Variants in LARP4B observed in about 807,000 individuals in gnomAD.
LARP4B encodes La ribonucleoprotein 4B.
Under a neutral mutation model 89.8 loss-of-function variants are expected in LARP4B, and 12 were observed. The ratio of observed to expected loss-of-function variants is 0.13; its 90% confidence interval spans 0.09 to 0.22. The LOEUF (loss-of-function observed/expected upper bound fraction) is 0.22, where lower values mean the gene tolerates loss of function less well. LARP4B is among the 10% of genes least tolerant of loss of function. The pLI, the probability that LARP4B is intolerant of heterozygous loss-of-function variation, is 1.00. For synonymous variants in LARP4B, 367 were observed against 363.3 expected, an observed-to-expected ratio of 1.01 and a Z score of -0.12; for missense variants, 757 against 947.7, an observed-to-expected ratio of 0.80 and a Z score of 2.64.
the LARP4B span, among the ~76,000 whole-genome samples, chr10:950,880 GT>G: frequency 5.7e-3 from 814 of 141,828 alleles, 7 homozygotes; most frequent in African/African-American, 0.019. Context: ...TTGTAGGAGG[GT>G]TTTTTTTTTT....
At chr10:910,846 T>G (rs1836646908) in intron 1 of LARP4B, among the ~76,000 whole-genome samples, 1 of 152,202 alleles carries the variant, frequency 6.6e-6, no homozygotes, top group Non-Finnish European at 1.5e-5. Context: ...AGTTTCCTAC[T>G]GAAAAGCACA....
At chr10:899,009 C>T (rs546930743) in intron 1 of LARP4B, among the ~76,000 whole-genome samples, 1 of 152,264 alleles carries the variant, frequency 6.6e-6, no homozygotes, top group South Asian at 2.1e-4. Context: ...TTCCTTAGCT[C>T]GTCTTCATTC....
At chr10:813,237 A>AC in intron 17 of LARP4B, 24 bp from the exon 18 acceptor site, 1 of 1,581,938 alleles carries the variant, frequency 6.3e-7, no homozygotes, top group South Asian at 1.2e-5. Context: ...ATCCTGGGTT[A>AC]CCTGTGTGAA....
intron 13 of LARP4B, among the ~76,000 whole-genome samples, chr10:821,654 G>A (rs1196851141): frequency 1.3e-5 from 2 of 152,210 alleles, no homozygotes; most frequent in Non-Finnish European, 1.5e-5. Context: ...ACATAACCTG[G>A]AAAGGAGTTA....
chr10:970,019 A>T, the LARP4B span, among the ~76,000 whole-genome samples: 1 of 152,196 alleles, frequency 6.6e-6, no homozygotes, highest in African/African-American at 2.4e-5. Flanking sequence ...AGGCTCTGCC[A>T]CAACTCCGGT....
the LARP4B span, among the ~76,000 whole-genome samples, chr10:949,187 C>CGTGA: frequency 6.6e-6 from 1 of 150,898 alleles, no homozygotes; most frequent in African/African-American, 2.4e-5. Context: ...ACCAGCCCCA[C>CGTGA]GTGAGTGAGT....
intron 8 of LARP4B, 52 bp from the exon 9 acceptor site, chr10:831,029 T>G (rs756720839): frequency 1.3e-6 from 1 of 760,720 alleles, no homozygotes; most frequent in Non-Finnish European, 2.2e-6. Flanking sequence ...TCAGTTTTTG[T>G]CCTCACCAAA....
At chr10:837,628 C>G (rs375232189) in intron 7 of LARP4B, among the ~76,000 whole-genome samples, 1 of 152,182 alleles carries the variant, frequency 6.6e-6, no homozygotes, top group Admixed American at 6.5e-5. Flanking sequence ...ATAAAACACA[C>G]GTTCCAGAGA....
chr10:976,876 T>C, the LARP4B span, among the ~76,000 whole-genome samples: 106,742 of 149,740 alleles, frequency 0.71, 38,045 homozygotes, highest in East Asian at 0.87. Context: ...GTAGGCCTGT[T>C]GTGCAACGTG....
intron 5 of LARP4B, among the ~76,000 whole-genome samples, chr10:849,110 A>G (rs755407738): frequency 6.6e-6 from 1 of 152,244 alleles, no homozygotes; most frequent in Admixed American, 6.6e-5. Flanking sequence ...AGTGGAGCAA[A>G]ACGCAAAGAA....
chr10:828,099 C>T (rs933360661), intron 11 of LARP4B, among the ~76,000 whole-genome samples: 1 of 152,140 alleles, frequency 6.6e-6, no homozygotes, highest in African/African-American at 2.4e-5. Flanking sequence ...AAACCTCAGA[C>T]ACCTTCCCAC....
the LARP4B span, among the ~76,000 whole-genome samples, chr10:950,074 C>T: frequency 6.6e-6 from 1 of 152,128 alleles, no homozygotes; most frequent in South Asian, 2.1e-4. Context: ...CTGTGCCTGG[C>T]CTTAGCTTTT....
At chr10:915,608 T>C (rs1045896878) in intron 1 of LARP4B, among the ~76,000 whole-genome samples, 4 of 152,028 alleles carry the variant, frequency 2.6e-5, no homozygotes, top group African/African-American at 9.7e-5. Context: ...ATCGAGACCA[T>C]CCTGGCTAAC....
At chr10:961,319 T>A in the LARP4B span, among the ~76,000 whole-genome samples, 1 of 152,372 alleles carries the variant, frequency 6.6e-6, no homozygotes, top group Admixed American at 6.5e-5. Flanking sequence ...CTCACGGTTC[T>A]GCGGGCTGTA....
upstream of LARP4B, chr10:932,972 G>C (rs1207593220): frequency 6.6e-6 from 1 of 152,238 alleles, no homozygotes; most frequent in Non-Finnish European, 1.5e-5. Context: ...TCGGGCCCAC[G>C]TTGCAACGAG....
chr10:821,945 C>T (rs182529610), intron 13 of LARP4B, among the ~76,000 whole-genome samples: 16 of 152,202 alleles, frequency 1.1e-4, no homozygotes, highest in Middle Eastern at 3.4e-3. Context: ...CCTGACAACC[C>T]AACCTCCTGT....
chr10:911,293 T>C (rs1420370092), intron 1 of LARP4B, among the ~76,000 whole-genome samples: 1 of 152,236 alleles, frequency 6.6e-6, no homozygotes, highest in African/African-American at 2.4e-5. Context: ...AAACATTCTT[T>C]TTCAGAGTTC....
At chr10:823,236 G>A (rs988384775) in intron 13 of LARP4B, among the ~76,000 whole-genome samples, 3 of 151,978 alleles carry the variant, frequency 2.0e-5, no homozygotes, top group Admixed American at 6.6e-5. Flanking sequence ...CCTGCCCACC[G>A]TGCCCATGCT....
chr10:978,246 A>G, the LARP4B span, among the ~76,000 whole-genome samples: 2 of 152,142 alleles, frequency 1.3e-5, no homozygotes, highest in Non-Finnish European at 2.9e-5. Flanking sequence ...TAAATTTAAG[A>G]TGGATGTTTA....
Sources: gnomAD v4.1 joint callset for allele counts (sites outside exome capture counted in the v4.1 genomes callset) on GRCh38, gnomAD v4.1.1 for gene constraint, MANE v1.5 for transcripts, NCBI Gene and HGNC (gene_info 2026-07-23, HGNC 2026-07-21) for gene names.